Variants in BLZF1 observed in about 807,000 individuals in gnomAD.
BLZF1 encodes the protein basic leucine zipper nuclear factor 1, also known as golgin-45.
A neutral mutation model predicts 43.8 loss-of-function variants in BLZF1; 39 were observed. The observed-to-expected ratio is 0.89, with a 90% CI of 0.69 to 1.16. The LOEUF (loss-of-function observed/expected upper bound fraction) is 1.16, where lower values mean the gene tolerates loss of function less well. Ranked by LOEUF, BLZF1 falls within the 50% of genes most tolerant of loss-of-function variation. BLZF1 has a pLI of 0.00. For missense variants in BLZF1, 449 were observed against 469.8 expected (o/e 0.96, Z 0.41); for synonymous variants, 136 against 159.4 (o/e 0.85, Z 1.11).
At chr1:169,371,922 C>T (rs1654134393) in intron 2 of BLZF1, among the ~76,000 whole-genome samples, 1 of 152,110 alleles carries the variant, frequency 6.6e-6, no homozygotes, top group African/African-American at 2.4e-5. Flanking sequence ...ATTCCATGAG[C>T]AGATAAATTT....
At position 169,387,923 on chromosome 1, in the gene BLZF1, A is replaced by G. The variant is rs1337817328; in HGVS notation, c.*741A>G. On this transcript the variant is annotated 3_prime_UTR_variant, in exon 7 of 7. Transcript: ENST00000367808. ...ATACAATCCGACATATATAAAAGAA[A>G]CAGATTCTTAACTATTGACTCTTAT... The G allele has an allele frequency of 6.6e-6, 1 of 152,230 alleles. No individual in the cohort carries two copies. The highest frequency in any genetic ancestry group is 1.9e-4 in the East Asian group (1 of 5,202). The allele number at this position is 152,230 out of a possible 1,614,324, so 9.4% of individuals were successfully genotyped here.
downstream of BLZF1, among the ~76,000 whole-genome samples, chr1:169,392,520 C>G (rs1031007876): frequency 6.6e-6 from 1 of 152,192 alleles, no homozygotes; most frequent in Non-Finnish European, 1.5e-5. Flanking sequence ...AAAGTTGAAC[C>G]TCTATGTGAT....
chr1:169,388,803 G>A (rs1654744414), downstream of BLZF1, among the ~76,000 whole-genome samples: 1 of 151,898 alleles, frequency 6.6e-6, no homozygotes, highest in Non-Finnish European at 1.5e-5. Flanking sequence ...GAGCCAAGAT[G>A]GCGAAACCCC....
At chr1:169,394,947 C>A (rs1180270383) in intron 7 of BLZF1, 13 of 1,057,140 alleles carry the variant, frequency 1.2e-5, no homozygotes, top group South Asian at 1.0e-4. Context: ...AGATAAATAC[C>A]ATTTCCATAA....
chr1:169,373,130 C>T (rs1654180863), intron 2 of BLZF1, among the ~76,000 whole-genome samples: 1 of 152,044 alleles, frequency 6.6e-6, no homozygotes, highest in Non-Finnish European at 1.5e-5. Flanking sequence ...AGTTTGCCAG[C>T]TCCCATCCTA....
chr1:169,394,438 A>G (rs1439194327), intron 7 of BLZF1, among the ~76,000 whole-genome samples: 6 of 152,164 alleles, frequency 3.9e-5, no homozygotes, highest in African/African-American at 1.4e-4. Context: ...GGTAAAGAAC[A>G]TAGTACCCAA....
chr1:169,375,411 T>C (rs1245227906), intron 2 of BLZF1, among the ~76,000 whole-genome samples: 4 of 99,996 alleles, frequency 4.0e-5, no homozygotes, highest in Admixed American at 1.3e-4. Flanking sequence ...TATATATATA[T>C]ATATATATAT....
At chr1:169,380,739 CT>C in intron 5 of BLZF1, 130 bp downstream of exon 5, 1 of 971,726 alleles carries the variant, frequency 1.0e-6, no homozygotes, top group Non-Finnish European at 1.5e-6. Context: ...TGAGCATATA[CT>C]TTTAGTAGCA....
At chr1:169,369,600 G>A in intron 2 of BLZF1, 50 bp downstream of exon 2, 1 of 1,426,812 alleles carries the variant, frequency 7.0e-7, no homozygotes, top group Non-Finnish European at 9.8e-7. Context: ...TTATGACGAT[G>A]TGAAGGAACG....
intron 6 of BLZF1, 131 bp downstream of exon 6, chr1:169,382,412 G>A (rs1174845280): frequency 5.5e-6 from 4 of 729,756 alleles, no homozygotes; most frequent in Non-Finnish European, 6.6e-6. Context: ...GCTATTGAGT[G>A]TGTTATCTTG....
At chr1:169,383,811 C>T (rs1372134448) in intron 6 of BLZF1, among the ~76,000 whole-genome samples, 1 of 152,116 alleles carries the variant, frequency 6.6e-6, no homozygotes, top group Admixed American at 6.5e-5. Context: ...ACACCATACT[C>T]TTGAAACGAT....
downstream of BLZF1, among the ~76,000 whole-genome samples, chr1:169,391,826 G>A (rs1050638840): frequency 1.3e-5 from 2 of 152,178 alleles, no homozygotes; most frequent in Non-Finnish European, 1.5e-5. Flanking sequence ...GCTAAATCAC[G>A]GAGGTTTGGG....
chr1:169,376,052 T>C (rs1353453527), intron 2 of BLZF1, among the ~76,000 whole-genome samples: 1 of 152,076 alleles, frequency 6.6e-6, no homozygotes, highest in East Asian at 1.9e-4. Context: ...GTGTAACATA[T>C]ATGTTGCTTC....
At chr1:169,383,819 G>A (rs1050067843) in intron 6 of BLZF1, among the ~76,000 whole-genome samples, 1 of 152,016 alleles carries the variant, frequency 6.6e-6, no homozygotes, top group Non-Finnish European at 1.5e-5. Flanking sequence ...CTCTTGAAAC[G>A]ATTCACTACT....
At chr1:169,388,454 A>G (rs1052448861), downstream of BLZF1, 9 of 152,196 alleles carry the variant, frequency 5.9e-5, no homozygotes, top group Non-Finnish European at 1.5e-5. Context: ...AAGCTTCGTG[A>G]CATTGTATTT....
At chr1:169,376,065 CTTACTCCAAGAG>C (rs1418374992) in intron 2 of BLZF1, among the ~76,000 whole-genome samples, 4 of 152,028 alleles carry the variant, frequency 2.6e-5, no homozygotes, top group Non-Finnish European at 5.9e-5. Flanking sequence ...GTTGCTTCCT[CTTACTCCAAGAG>C]TTCACAAAAC....
intron 2 of BLZF1, 51 bp downstream of exon 2, chr1:169,369,601 T>G (rs368991816): frequency 2.4e-5 from 35 of 1,428,806 alleles, no homozygotes; most frequent in Non-Finnish European, 3.2e-5. Flanking sequence ...TATGACGATG[T>G]GAAGGAACGT....
At position 169,376,845 on chromosome 1, in the gene BLZF1, C is replaced by A. The variant is rs201016056; in HGVS notation, c.334C>A (p.Gln112Lys). The change falls in exon 3 of 7, where the codon CAG becomes AAG. Residue 112 changes from glutamine (Q) to lysine (K), a missense_variant. Gln to Lys is a moderately conservative substitution (Grantham distance 53, BLOSUM62 1). Transcript: ENST00000367808. ...LGHHKGEFLG[Q>K]SEGVIEPNKE... ...ACATCATAAAGGAGAATTCCTTGGTCAGTCAGAGGGAGTTATAGAACCTAA... is the reference window on the plus strand; with the variant it reads ...ACATCATAAAGGAGAATTCCTTGGTAAGTCAGAGGGAGTTATAGAACCTAA... The A allele has an allele frequency of 8.1e-6, 13 of 1,613,150 alleles. No individual in the cohort carries two copies. The highest frequency in any genetic ancestry group is 1.7e-5 in the Admixed American group (1 of 59,870).
intron 2 of BLZF1, among the ~76,000 whole-genome samples, chr1:169,374,220 C>CA (rs969293587): frequency 1.3e-5 from 2 of 148,178 alleles, no homozygotes; most frequent in East Asian, 3.9e-4. Flanking sequence ...AAAAAAAATA[C>CA]AAAAAAAATA....
Sources: allele counts gnomAD v4.1 joint callset (sites outside exome capture counted in the v4.1 genomes callset), GRCh38; gene constraint gnomAD v4.1.1; transcripts MANE v1.5; gene names NCBI Gene and HGNC (gene_info 2026-07-23, HGNC 2026-07-21).